The following ASTN2 variants were observed in gnomAD, a reference collection of about 807,000 sequenced individuals.
The protein encoded by ASTN2 is astrotactin 2.
Under a neutral mutation model 139.8 loss-of-function variants are expected in ASTN2, and 54 were observed. The observed-to-expected ratio is 0.39, with a 90% CI of 0.31 to 0.48. The LOEUF is 0.48. Ranked by LOEUF, ASTN2 falls within the 20% of genes least tolerant of loss-of-function variation. ASTN2 has a pLI of 0.95. For synonymous variants in ASTN2, 756 were observed against 719.5 expected, an observed-to-expected ratio of 1.05 and a Z score of -0.81; for missense variants, 1,565 against 1,725.1, an observed-to-expected ratio of 0.91 and a Z score of 1.64.
chr9:116,868,191 AG>A (rs1265494377), intron 10 of ASTN2, among the ~76,000 whole-genome samples: 5 of 152,220 alleles, frequency 3.3e-5, no homozygotes, highest in African/African-American at 1.2e-4. Context: ...CTATGTGTTA[AG>A]CATGGTGCAA....
At chr9:116,629,079 C>T (rs1210536224) in intron 17 of ASTN2, among the ~76,000 whole-genome samples, 3 of 148,914 alleles carry the variant, frequency 2.0e-5, no homozygotes, top group South Asian at 2.1e-4. Flanking sequence ...CAACAATTTG[C>T]GGAGGCAGCA....
At chr9:117,028,475 T>C (rs1838158111) in intron 6 of ASTN2, among the ~76,000 whole-genome samples, 2 of 152,176 alleles carry the variant, frequency 1.3e-5, no homozygotes, top group South Asian at 2.1e-4. Flanking sequence ...TCCTTTCCCA[T>C]GTGAATACAA....
intron 19 of ASTN2, chr9:116,584,278 A>C (rs1450633578): frequency 1.3e-5 from 2 of 152,156 alleles, no homozygotes; most frequent in Non-Finnish European, 2.9e-5. Flanking sequence ...CCCTGGCTTT[A>C]GGAGGACCAT....
chr9:117,300,783 C>A (rs980826230), intron 1 of ASTN2, among the ~76,000 whole-genome samples: 1 of 152,174 alleles, frequency 6.6e-6, no homozygotes, highest in African/African-American at 2.4e-5. Flanking sequence ...AGCCCTCTGG[C>A]AGCAGCTGGA....
chr9:116,490,250 G>A (rs1396822955), intron 19 of ASTN2, among the ~76,000 whole-genome samples: 1 of 73,620 alleles, frequency 1.4e-5, no homozygotes, highest in Non-Finnish European at 2.6e-5. Flanking sequence ...ACAAATTCCA[G>A]AGCAATGTAT....
At chr9:117,093,962 ATTT>A (rs770777880) in intron 5 of ASTN2, among the ~76,000 whole-genome samples, 2 of 152,214 alleles carry the variant, frequency 1.3e-5, no homozygotes, top group East Asian at 3.9e-4. Context: ...CATCTAATAG[ATTT>A]GTATTTTGAT....
chr9:116,747,724 C>T (rs530351394), intron 13 of ASTN2, among the ~76,000 whole-genome samples: 2,464 of 129,262 alleles, frequency 0.019, 72 homozygotes, highest in African/African-American at 0.062. Context: ...CACACACACA[C>T]ACACACCACC....
chr9:117,184,259 G>T (rs572464119), intron 3 of ASTN2, among the ~76,000 whole-genome samples: 6 of 152,188 alleles, frequency 3.9e-5, no homozygotes, highest in African/African-American at 1.4e-4. Flanking sequence ...AGAGCCGGGG[G>T]TATAGCAAGC....
At chr9:116,886,437 C>T (rs1004895325) in intron 10 of ASTN2, among the ~76,000 whole-genome samples, 5 of 152,144 alleles carry the variant, frequency 3.3e-5, no homozygotes, top group Non-Finnish European at 5.9e-5. Flanking sequence ...TGCAGTGGTG[C>T]GATCACACAC....
Position 116,541,656 on chromosome 9 carries a change from G to A in ASTN2, c.3356-54156C>T, listed in dbSNP as rs145321800. 5.3e-5 allele frequency among the ~76,000 whole-genome samples: 8 copies of A among 152,304 alleles called. No individual in the cohort carries two copies. The East Asian group carries it at 1.5e-3, about 29-fold the overall frequency. ...AAGTGACTCTAACCATGGGCAGATG[G>A]AAGCAGAGACAGAACAAGGCAAGAG... On this transcript the variant is annotated intron_variant, in intron 19 of 22. Transcript: ENST00000313400.
Position 117,414,407 on chromosome 9 carries a change from C to T in ASTN2, c.442+90G>A. ...CAACCCCACTCGGGGCAGCCCCGGGCAGGGATCCCCAGGGCGCCCCCACCC... is the reference window on the plus strand; with the variant it reads ...CAACCCCACTCGGGGCAGCCCCGGGTAGGGATCCCCAGGGCGCCCCCACCC... On this transcript the variant is annotated intron_variant, in intron 1 of 22. Coordinates refer to ENST00000313400, the MANE Select transcript of ASTN2 (RefSeq NM_001365068.1). The surrounding 1 kb of genome is among the most constrained non-coding windows in gnomAD (Gnocchi z 4.2). 2 of 1,556,208 alleles carry T rather than the reference C, an allele frequency of 1.3e-6. No individual in the cohort carries two copies.
At chr9:116,804,525 T>C (rs1830980076) in intron 13 of ASTN2, among the ~76,000 whole-genome samples, 1 of 152,138 alleles carries the variant, frequency 6.6e-6, no homozygotes, top group Non-Finnish European at 1.5e-5. Context: ...CATAAGTTAA[T>C]AGACAAAAAA....
chr9:116,572,560 C>T (rs535561807), intron 19 of ASTN2, among the ~76,000 whole-genome samples: 17 of 152,280 alleles, frequency 1.1e-4, no homozygotes, highest in Middle Eastern at 3.4e-3. Context: ...GCAGATGCGT[C>T]TTAAGCAGAT....
chr9:117,204,916 TGG>T, intron 3 of ASTN2, among the ~76,000 whole-genome samples: 1 of 1,098 alleles, frequency 9.1e-4, no homozygotes, highest in Non-Finnish European at 0.012. Context: ...CATGATGTTT[TGG>T]CCTGCTGGTA....
At chr9:116,914,079 G>C (rs998976088) in intron 10 of ASTN2, among the ~76,000 whole-genome samples, 1 of 150,288 alleles carries the variant, frequency 6.7e-6, no homozygotes, top group African/African-American at 2.5e-5. Context: ...AATGTTTTAA[G>C]TAATAGTAAG....
At chr9:116,613,380 G>T (rs952925421) in intron 19 of ASTN2, 1 of 152,230 alleles carries the variant, frequency 6.6e-6, no homozygotes, top group African/African-American at 2.4e-5. Flanking sequence ...ATTTTATGAG[G>T]CCAACATCAT....
At chr9:117,008,807 G>A (rs1837432202) in intron 6 of ASTN2, among the ~76,000 whole-genome samples, 1 of 152,176 alleles carries the variant, frequency 6.6e-6, no homozygotes, top group Non-Finnish European at 1.5e-5. Flanking sequence ...AACATCAATA[G>A]GAAAGACTGG....
intron 2 of ASTN2, among the ~76,000 whole-genome samples, chr9:117,274,155 C>A (rs1834129527): frequency 6.6e-6 from 1 of 152,092 alleles, no homozygotes; most frequent in African/African-American, 2.4e-5. Flanking sequence ...TCGAGACCAT[C>A]CTGGCTAACA....
chr9:117,056,562 G>A (rs180864803), intron 5 of ASTN2, among the ~76,000 whole-genome samples: 17 of 152,256 alleles, frequency 1.1e-4, no homozygotes, highest in African/African-American at 4.1e-4. Flanking sequence ...TTTTACTGAA[G>A]ACTTCACAAG....
Sources: gnomAD v4.1 joint callset for allele counts (sites outside exome capture counted in the v4.1 genomes callset) on GRCh38, gnomAD v4.1.1 for gene constraint, Gnocchi (gnomAD v3.1) non-coding constraint, MANE v1.5 for transcripts, NCBI Gene and HGNC (gene_info 2026-07-23, HGNC 2026-07-21) for gene names.